Variants in RASSF3 observed in about 807,000 individuals in gnomAD.
RASSF3 encodes Ras association domain family member 3.
RASSF3 carries 19 observed loss-of-function variants against 19.9 expected under a neutral mutation model. That is an observed-to-expected ratio of 0.96 (90% CI 0.67 to 1.40). The LOEUF (loss-of-function observed/expected upper bound fraction) is 1.40. Ranked by LOEUF, RASSF3 falls within the 40% of genes most tolerant of loss-of-function variation. The pLI, the probability that RASSF3 is intolerant of heterozygous loss-of-function variation, is 0.00. For missense variants in RASSF3, 306 were observed against 289.8 expected (o/e 1.06, Z -0.41); for synonymous variants, 110 against 104.2 (o/e 1.06, Z -0.34).
At chr12:64,694,556 T>C (rs536067297) in intron 4 of RASSF3, among the ~76,000 whole-genome samples, 7 of 151,808 alleles carry the variant, frequency 4.6e-5, no homozygotes, top group Non-Finnish European at 7.4e-5. Flanking sequence ...GAGGAGAGGG[T>C]AGGAAGGTGA....
At chr12:64,634,762 TAA>T (rs57235286) in intron 1 of RASSF3, among the ~76,000 whole-genome samples, 1,611 of 90,942 alleles carry the variant, frequency 0.018, 26 homozygotes, top group African/African-American at 0.036. Flanking sequence ...CACCATCTCA[TAA>T]AAAAAAAAAA....
rs184654430 is a variant in RASSF3, at chr12:64,558,594, G to A, written c.294+16889G>A. On this transcript the variant is annotated intron_variant, in intron 2 of 5. Transcript: ENST00000637125. The stretch of plus-strand genomic sequence containing the variant: ...TGAGAAAAGGGCTGGCGTAACTCAA[G>A]GAATCAAGTCAATTTAAACCCTATG... Among the ~76,000 whole-genome samples, 227 of 152,220 alleles carry A rather than the reference G, an allele frequency of 1.5e-3. 1 individual carries two copies. The highest frequency in any genetic ancestry group is 5.4e-3 in the African/African-American group (223 of 41,520).
At chr12:64,640,493 AT>A (rs1387330023) in intron 1 of RASSF3, among the ~76,000 whole-genome samples, 1 of 152,050 alleles carries the variant, frequency 6.6e-6, no homozygotes, top group Non-Finnish European at 1.5e-5. Flanking sequence ...CTACCTTTCT[AT>A]TTTCAGCTTT....
At chr12:64,539,423 A>G (rs1406567863) in intron 1 of RASSF3, among the ~76,000 whole-genome samples, 1 of 152,200 alleles carries the variant, frequency 6.6e-6, no homozygotes, top group Non-Finnish European at 1.5e-5. Context: ...TTTGGGGGAC[A>G]CATTCAAACC....
chr12:64,621,686 G>C (rs769731168), intron 1 of RASSF3, among the ~76,000 whole-genome samples: 3 of 152,132 alleles, frequency 2.0e-5, no homozygotes, highest in Admixed American at 1.3e-4. Context: ...CAGGCTGGAT[G>C]GTCTCGAACT....
chr12:64,508,133 C>CAATT (rs1265161751), intron 1 of RASSF3, among the ~76,000 whole-genome samples: 2 of 152,004 alleles, frequency 1.3e-5, no homozygotes, highest in African/African-American at 4.8e-5. Flanking sequence ...AAGTGCTTAA[C>CAATT]AATTACTTAA....
chr12:64,608,216 G>A (rs1565848234), upstream of RASSF3, among the ~76,000 whole-genome samples: 1 of 151,988 alleles, frequency 6.6e-6, no homozygotes, highest in Non-Finnish European at 1.5e-5. Flanking sequence ...TATTATAACT[G>A]ATTCTGATGG....
rs1268521761 is a variant in RASSF3, at chr12:64,675,051, C to A, written c.112-9736C>A. Among the ~76,000 whole-genome samples the A allele has an allele frequency of 8.5e-5, 10 of 118,256 alleles. 2 individuals carry two copies. Among genetic ancestry groups the A allele is most frequent in the East Asian group, 4.8e-4 (2 of 4,152 alleles). The allele number at this position is 118,256 out of a possible 152,430, so 77.6% of individuals were successfully genotyped here. ...TGTCTAAAATACCCACCTAGCCCCC[C>A]CCCCCCCCGCCACCCCGGCTTCTTG... On this transcript the variant is annotated intron_variant, in intron 1 of 4. Coordinates refer to ENST00000542104, the MANE Select transcript of RASSF3 (RefSeq NM_178169.4).
At chr12:64,559,460 G>T (rs957975066) in intron 2 of RASSF3, among the ~76,000 whole-genome samples, 1 of 151,786 alleles carries the variant, frequency 6.6e-6, no homozygotes, top group Non-Finnish European at 1.5e-5. Context: ...TAGTAGAGAT[G>T]GGGTTTCACC....
chr12:64,561,795 T>G (rs7968982), intron 2 of RASSF3, among the ~76,000 whole-genome samples: 1 of 146,932 alleles, frequency 6.8e-6, no homozygotes, highest in East Asian at 2.0e-4. Flanking sequence ...TGGGTTCAAA[T>G]GATTCTTGTG....
At chr12:64,686,782 G>A (rs1028710352) in intron 2 of RASSF3, among the ~76,000 whole-genome samples, 14 of 152,134 alleles carry the variant, frequency 9.2e-5, no homozygotes, top group Non-Finnish European at 1.8e-4. Context: ...AGCTGTGTTC[G>A]TGCCACTGCA....
intron 2 of RASSF3, among the ~76,000 whole-genome samples, chr12:64,565,884 GAA>G (rs35479688): frequency 9.5e-5 from 12 of 126,590 alleles, no homozygotes; most frequent in African/African-American, 1.5e-4. Context: ...CTTCGTCTCA[GAA>G]AAAAAAAAAA....
chr12:64,589,980 T>C (rs554894132), intron 2 of RASSF3, among the ~76,000 whole-genome samples: 74 of 128,666 alleles, frequency 5.8e-4, no homozygotes, highest in Non-Finnish European at 7.3e-4. Flanking sequence ...CCAGCCTGGG[T>C]GACAGAGCAA....
rs115892208 is a variant in RASSF3 at position 64,646,969 on chromosome 12, G to A, written c.111+36226G>A. Among the ~76,000 whole-genome samples, 470 of 152,236 alleles carry A rather than the reference G, an allele frequency of 3.1e-3. 1 individual carries two copies. The highest frequency in any genetic ancestry group is 0.011 in the African/African-American group (449 of 41,558). ...CTATCCCCATTTTATAGATGAAGAA[G>A]CTAAAGCTTTGAGAGGTTAAGTAAT... On this transcript the variant is annotated intron_variant, in intron 1 of 4. Transcript: ENST00000542104.
intron 2 of RASSF3, among the ~76,000 whole-genome samples, chr12:64,550,820 C>CAAAAAAAAAAAAAAAAAAAAAAAA (rs59308298): frequency 1.3e-5 from 1 of 75,944 alleles, no homozygotes; most frequent in Admixed American, 1.7e-4. Context: ...GACTCCATCT[C>CAAAAAAAAAAAAAAAAAAAAAAAA]AAAAAAAAAA....
intron 2 of RASSF3, among the ~76,000 whole-genome samples, chr12:64,549,393 T>C (rs1412151920): frequency 6.6e-6 from 1 of 152,206 alleles, no homozygotes; most frequent in African/African-American, 2.4e-5. Flanking sequence ...CTTAAAGTCA[T>C]TGTGCACTTT....
At chr12:64,595,021 C>G (rs1209703662) in intron 2 of RASSF3, among the ~76,000 whole-genome samples, 1 of 147,770 alleles carries the variant, frequency 6.8e-6, no homozygotes, top group Non-Finnish European at 1.5e-5. Flanking sequence ...TACATACACA[C>G]AAACACAACT....
chr12:64,511,621 G>C (rs1394324079), intron 1 of RASSF3, among the ~76,000 whole-genome samples: 1 of 152,178 alleles, frequency 6.6e-6, no homozygotes, highest in Non-Finnish European at 1.5e-5. Flanking sequence ...GTTCCCAGCA[G>C]TCATCCTGGT....
chr12:64,520,200 G>A (rs940441035), intron 1 of RASSF3, among the ~76,000 whole-genome samples: 13 of 139,416 alleles, frequency 9.3e-5, no homozygotes, highest in Non-Finnish European at 1.8e-4. Context: ...ATGGAGTCTC[G>A]CTCTGTTGCC....
Sources: gnomAD v4.1 joint callset for allele counts (sites outside exome capture counted in the v4.1 genomes callset) on GRCh38, gnomAD v4.1.1 for gene constraint, MANE v1.5 for transcripts, NCBI Gene and HGNC (gene_info 2026-07-23, HGNC 2026-07-21) for gene names.